Variants in NAA35 observed in about 807,000 individuals in gnomAD.
NAA35 encodes the protein MAK10 homolog, amino-acid N-acetyltransferase subunit.
In NAA35, 18 loss-of-function variants were observed where a neutral mutation model predicts 101.7. The observed-to-expected ratio is 0.18, with a 90% CI of 0.12 to 0.26. NAA35 has a LOEUF of 0.26. NAA35 is among the 10% of genes least tolerant of loss of function. The pLI, the probability that NAA35 is intolerant of heterozygous loss-of-function variation, is 1.00. For synonymous variants in NAA35, 267 were observed against 273.1 expected (o/e 0.98, Z 0.22); for missense variants, 601 against 886.8 (o/e 0.68, Z 4.09).
At chr9:85,965,402 C>T (rs184474425) in intron 6 of NAA35, among the ~76,000 whole-genome samples, 34 of 152,214 alleles carry the variant, frequency 2.2e-4, no homozygotes, top group Non-Finnish European at 3.7e-4. Context: ...ATGAAGTGGG[C>T]GGATGGCTTG....
chr9:85,993,214 C>G (rs2118226936), intron 11 of NAA35, among the ~76,000 whole-genome samples: 1 of 152,224 alleles, frequency 6.6e-6, no homozygotes, highest in Middle Eastern at 3.4e-3. Context: ...ACTCTGTCAC[C>G]CAGACTGGGG....
At chr9:86,009,793 A>G in intron 14 of NAA35, 72 bp from the exon 15 acceptor site, 1 of 1,054,286 alleles carries the variant, frequency 9.5e-7, no homozygotes, top group Non-Finnish European at 1.4e-6. Flanking sequence ...GTCATTTGGT[A>G]GCATCTGCAG....
At chr9:86,000,018 A>G (rs970758520) in intron 12 of NAA35, among the ~76,000 whole-genome samples, 2 of 152,138 alleles carry the variant, frequency 1.3e-5, no homozygotes, top group African/African-American at 4.8e-5. Flanking sequence ...AAGGTTTCTT[A>G]CATAAATAAA....
chr9:86,017,067 C>T (rs1256019534), intron 18 of NAA35, among the ~76,000 whole-genome samples: 2 of 152,210 alleles, frequency 1.3e-5, no homozygotes, highest in Admixed American at 6.5e-5. Flanking sequence ...GAGGCATCAC[C>T]CAAGAACCAT....
chr9:85,960,013 G>A (rs567302933), intron 5 of NAA35, 146 bp downstream of exon 5: 1 of 530,174 alleles, frequency 1.9e-6, no homozygotes, highest in South Asian at 3.3e-5. Flanking sequence ...AACAGGCCTA[G>A]TAATAGCATT....
At chr9:85,944,602 G>A (rs1280952664) in intron 2 of NAA35, among the ~76,000 whole-genome samples, 2 of 152,180 alleles carry the variant, frequency 1.3e-5, no homozygotes, top group African/African-American at 2.4e-5. Flanking sequence ...GAGTGAACAC[G>A]TACACTGCTT....
chr9:86,012,969 G>A, intron 15 of NAA35, 77 bp from the exon 16 acceptor site: 1 of 985,976 alleles, frequency 1.0e-6, no homozygotes, highest in South Asian at 2.8e-5. Context: ...AAACCAGATT[G>A]TGAACTTGGA....
At chr9:85,965,558 G>A (rs1396081504) in intron 6 of NAA35, among the ~76,000 whole-genome samples, 1 of 152,078 alleles carries the variant, frequency 6.6e-6, no homozygotes, top group Non-Finnish European at 1.5e-5. Flanking sequence ...AGCCTGGGGA[G>A]GTCAAGGCTG....
intron 11 of NAA35, among the ~76,000 whole-genome samples, chr9:85,987,905 G>A (rs1830720323): frequency 6.6e-6 from 1 of 152,252 alleles, no homozygotes; most frequent in African/African-American, 2.4e-5. Context: ...ATAATCACAG[G>A]TGTGGAGTAC....
rs7020123 is a variant in NAA35, at chr9:85,955,126, G to A, written c.125-1234G>A. On this transcript the variant is annotated intron_variant, in intron 2 of 22. Transcript: ENST00000361671. ...GAGATGGGGTTTCACTGTGTTGGCC[G>A]TGCTGGTCTCAAACTCCAGACCTCA... Among the ~76,000 whole-genome samples, 1,218 of 150,422 alleles carry A rather than the reference G, an allele frequency of 8.1e-3. 13 individuals carry two copies. Among genetic ancestry groups the A allele is most frequent in the South Asian group, 0.034 (160 of 4,720 alleles).
intron 2 of NAA35, among the ~76,000 whole-genome samples, chr9:85,953,448 A>T (rs750466136): frequency 6.6e-6 from 1 of 152,052 alleles, no homozygotes; most frequent in Non-Finnish European, 1.5e-5. Context: ...TCTTTTTGAG[A>T]CAGAATTTCA....
chr9:85,996,289 G>T, intron 11 of NAA35, 110 bp from the exon 12 acceptor site: 3 of 668,798 alleles, frequency 4.5e-6, no homozygotes, highest in Non-Finnish European at 7.5e-6. Context: ...TTTGTGGTTA[G>T]AATTTGTTTG....
intron 1 of NAA35, 66 bp from the exon 2 acceptor site, chr9:85,942,089 C>T (rs1324175024): frequency 6.4e-7 from 1 of 1,565,734 alleles, no homozygotes; most frequent in African/African-American, 1.4e-5. Flanking sequence ...AACAAACACC[C>T]ATTTCTGCAA....
intron 6 of NAA35, among the ~76,000 whole-genome samples, chr9:85,969,391 C>T (rs1829901148): frequency 6.6e-6 from 1 of 151,370 alleles, no homozygotes; most frequent in Non-Finnish European, 1.5e-5. Context: ...TGTTGCTTTT[C>T]TGTTATATAG....
chr9:86,000,592 T>G (rs1218080703), intron 12 of NAA35, among the ~76,000 whole-genome samples: 1 of 152,148 alleles, frequency 6.6e-6, no homozygotes, highest in East Asian at 1.9e-4. Context: ...TATTGGTCTG[T>G]TCAGGGAATC....
chr9:85,956,047 G>A (rs1449839109), intron 2 of NAA35, among the ~76,000 whole-genome samples: 2 of 152,168 alleles, frequency 1.3e-5, no homozygotes, highest in African/African-American at 2.4e-5. Context: ...TTTACTTGGC[G>A]AAATATACTA....
At chr9:85,958,656 TAATGA>T (rs1829378775) in intron 4 of NAA35, 70 bp downstream of exon 4, 6 of 968,778 alleles carry the variant, frequency 6.2e-6, no homozygotes, top group Admixed American at 2.4e-5. Flanking sequence ...TGGTGCTTAA[TAATGA>T]AATGAAACGT....
At chr9:86,016,127 T>G (rs1425112053) in intron 17 of NAA35, among the ~76,000 whole-genome samples, 1 of 149,232 alleles carries the variant, frequency 6.7e-6, no homozygotes, top group Non-Finnish European at 1.5e-5. Context: ...ATTTCATTTA[T>G]TAAATAAACT....
chr9:86,023,867 T>C lies in NAA35; in HGVS notation c.*1907T>C, dbSNP rs908607009. ...TTTAATTTTTGGTTTTTAGTTTGTT[T>C]AGAGAGGAGGTTTCACTATGTTGCC... On this transcript the variant is annotated 3_prime_UTR_variant, in exon 23 of 23. Coordinates refer to ENST00000361671, the MANE Select transcript of NAA35 (RefSeq NM_024635.4). Among the ~76,000 whole-genome samples, 1 of 152,232 alleles carries C rather than the reference T, an allele frequency of 6.6e-6. No individual in the cohort carries two copies. The highest frequency in any genetic ancestry group is 6.5e-5 in the Admixed American group (1 of 15,286).
Sources: allele counts gnomAD v4.1 joint callset (sites outside exome capture counted in the v4.1 genomes callset), GRCh38; gene constraint gnomAD v4.1.1; transcripts MANE v1.5; gene names NCBI Gene and HGNC (gene_info 2026-07-23, HGNC 2026-07-21).